TLE2: variants seen among roughly 807,000 people sequenced by gnomAD.
TLE2 encodes transducin-like enhancer protein 2.
In TLE2, 74 loss-of-function variants were observed where a neutral mutation model predicts 97.2. The ratio of observed to expected loss-of-function variants is 0.76; its 90% CI spans 0.63 to 0.92. The LOEUF is 0.92. TLE2 is among the 40% of genes least tolerant of loss of function. The probability of loss-of-function intolerance (pLI) is 0.00; values close to 1 mark genes in which losing one functional copy is unlikely to be tolerated. For missense variants in TLE2, 1,038 were observed against 1,008.7 expected (o/e 1.03, Z -0.39); for synonymous variants, 499 against 432.1 (o/e 1.15, Z -1.92).
At chr19:3,003,869 G>A (rs1229756155) in intron 17 of TLE2, among the ~76,000 whole-genome samples, 1 of 151,978 alleles carries the variant, frequency 6.6e-6, no homozygotes, top group African/African-American at 2.4e-5. Context: ...CACCACACCT[G>A]GCTAATTTTG....
chr19:3,017,961 G>C (rs306030), intron 7 of TLE2, 102 bp from the exon 8 acceptor site: 22 of 1,059,380 alleles, frequency 2.1e-5, no homozygotes, highest in African/African-American at 1.3e-4. Context: ...AAAGCCCCCC[G>C]CCCCCACCAC....
rs144483017 is a variant in TLE2, at chr19:3,002,288, T to C, written c.2047+65A>G. ...ATTTGTTATTTATCTAAGATTCAGA[T>C]TGAATAGGCACCCTGGGTTTTGTTG... On this transcript the variant is annotated intron_variant, in intron 18 of 19. Transcript: ENST00000262953. 5.5e-4 allele frequency: 846 copies of C among 1,533,058 alleles called. 3 individuals carry two copies. In the African/African-American group the frequency reaches 9.6e-3, roughly 17 times the overall value. 95.0% of individuals were successfully genotyped at this position (1,533,058 alleles called of 1,614,324 possible). A position where few individuals can be genotyped will look rare whatever the true frequency, so the allele number is the denominator to read the frequency against.
At chr19:3,005,999 G>A (rs1450614355) in intron 15 of TLE2, 31 bp from the exon 16 acceptor site, 1 of 1,608,980 alleles carries the variant, frequency 6.2e-7, no homozygotes, top group Admixed American at 1.7e-5. Context: ...AGGGGCTGGG[G>A]GTTGGTCCCA....
intron 19 of TLE2, 95 bp downstream of exon 19, chr19:3,000,552 C>G: frequency 8.7e-7 from 1 of 1,153,290 alleles, no homozygotes; most frequent in Non-Finnish European, 1.2e-6. Flanking sequence ...GGCGGGGGGA[C>G]CTGGGGGACA....
chr19:3,041,469 C>T (rs2090102828), intron 1 of TLE2, among the ~76,000 whole-genome samples: 1 of 152,180 alleles, frequency 6.6e-6, no homozygotes, highest in Non-Finnish European at 1.5e-5. Flanking sequence ...GAGCACCCGC[C>T]CCTCCCTGAG....
chr19:3,003,337 C>G (rs1197377389), intron 17 of TLE2, among the ~76,000 whole-genome samples: 1 of 152,124 alleles, frequency 6.6e-6, no homozygotes, highest in Non-Finnish European at 1.5e-5. Flanking sequence ...CAGAGCAAGA[C>G]TATGAAAGAC....
At chr19:3,043,643 C>A (rs12982887) in intron 1 of TLE2, among the ~76,000 whole-genome samples, 6,430 of 120,342 alleles carry the variant, frequency 0.053, 154 homozygotes, top group Middle Eastern at 0.1. Context: ...ACTAAAAATA[C>A]AAAAAAAAAA....
rs887909045 is a variant in TLE2, at chr19:3,011,070, G to A, written c.964C>T (p.His322Tyr). 3 of 1,608,026 alleles carry A rather than the reference G, an allele frequency of 1.9e-6. No homozygotes were observed. In the African/African-American group the frequency reaches 4.0e-5, roughly 21 times the overall value. Residue 322 changes from histidine (H) to tyrosine (Y), a missense_variant, in exon 12 of 20, where the codon CAC becomes TAC. His to Tyr is a moderately conservative substitution (Grantham distance 83). Coordinates refer to ENST00000262953, the MANE Select transcript of TLE2 (RefSeq NM_003260.5). ...ASTPGPSSAS[H>Y]LCQLAAKPAP... is the part of the protein sequence containing the mutation. ...GGCTTGGCAGCAAGCTGGCAGAGGT[G>A]ACTGGCCGAGCTGGGCCCGGGGGTG...
At chr19:3,033,589 C>A (rs893846204), upstream of TLE2, among the ~76,000 whole-genome samples, 1 of 152,216 alleles carries the variant, frequency 6.6e-6, no homozygotes, top group African/African-American at 2.4e-5. Context: ...TGAGCCACCG[C>A]GCCCCTCCAG....
chr19:3,019,125 T>G lies in TLE2; in HGVS notation c.550+158A>C, dbSNP rs192579330. Among the ~76,000 whole-genome samples, 2,170 of 152,108 alleles carry G rather than the reference T, an allele frequency of 0.014. 42 individuals carry two copies. The highest frequency in any genetic ancestry group is 0.05 in the African/African-American group (2,075 of 41,486). On this transcript the variant is annotated intron_variant, in intron 7 of 19. Coordinates refer to ENST00000262953, the MANE Select transcript of TLE2 (RefSeq NM_003260.5). This position sits in a 1 kb window ranked among gnomAD's most constrained non-coding sequence, Gnocchi z 5.1. ...GTTGCCCAGGCTGGTCATGAACTCCTGGGCTCAAGCGATCCTCCCGCCTCG... is the reference window on the plus strand; with the variant it reads ...GTTGCCCAGGCTGGTCATGAACTCCGGGGCTCAAGCGATCCTCCCGCCTCG...
rs188075819 is a variant in TLE2 at position 3,019,103 on chromosome 19, G to A, written c.550+180C>T. Reference sequence around the variant, plus strand: ...TGTAGAGACGGGGTCTCGCTCTGTTGCCCAGGCTGGTCATGAACTCCTGGG... The same window carrying A: ...TGTAGAGACGGGGTCTCGCTCTGTTACCCAGGCTGGTCATGAACTCCTGGG... On this transcript the variant is annotated intron_variant, in intron 7 of 19. Transcript: ENST00000262953. This position sits in a 1 kb window ranked among gnomAD's most constrained non-coding sequence, Gnocchi z 5.1. 6.6e-6 allele frequency among the ~76,000 whole-genome samples: 1 copy of A among 152,092 alleles called. No homozygotes were observed. Among genetic ancestry groups the A allele is most frequent in the Non-Finnish European group, 1.5e-5 (1 of 68,022 alleles).
chr19:3,003,016 T>C (rs1023235824), intron 17 of TLE2, among the ~76,000 whole-genome samples: 3 of 152,092 alleles, frequency 2.0e-5, no homozygotes, highest in Admixed American at 6.6e-5. Flanking sequence ...CCTTTGGATA[T>C]TGGGGGGTGC....
chr19:3,044,269 T>C (rs1231716269), intron 1 of TLE2, among the ~76,000 whole-genome samples: 2 of 152,176 alleles, frequency 1.3e-5, no homozygotes, highest in East Asian at 3.9e-4. Context: ...CCCCCTGGTG[T>C]CCCATGGAGG....
chr19:3,042,078 T>G, intron 1 of TLE2, among the ~76,000 whole-genome samples: 1 of 148,252 alleles, frequency 6.7e-6, no homozygotes, highest in African/African-American at 2.5e-5. Context: ...AGTGAGGGGA[T>G]TGCGGGGAGT....
chr19:3,017,717 G>T, intron 8 of TLE2, 123 bp downstream of exon 8: 1 of 848,444 alleles, frequency 1.2e-6, no homozygotes, highest in Non-Finnish European at 1.8e-6. Flanking sequence ...CTACCAAAGT[G>T]CTGGGATCAA....
chr19:3,011,102 T>A lies in TLE2; in HGVS notation c.932A>T (p.Asp311Val). Residue 311 changes from aspartate (D) to valine (V), a missense_variant, in exon 12 of 20, where the codon GAC (aspartate) becomes GTC (valine). Coordinates refer to ENST00000262953, the MANE Select transcript of TLE2 (RefSeq NM_003260.5). ...SKSCDSSPPQ[D>V]ASTPGPSSAS... is the part of the protein sequence containing the mutation. The stretch of plus-strand genomic sequence containing the variant: ...CGAGCTGGGCCCGGGGGTGGAAGCG[T>A]CCTGGGGCGGGGAGGAGTCACAGGA... 1 of 1,610,792 alleles carries A rather than the reference T, an allele frequency of 6.2e-7. No homozygotes were observed. Among genetic ancestry groups the A allele is most frequent in the Non-Finnish European group, 8.5e-7 (1 of 1,179,092 alleles).
At chr19:3,031,620 G>A (rs889048789), upstream of TLE2, among the ~76,000 whole-genome samples, 13 of 151,674 alleles carry the variant, frequency 8.6e-5, no homozygotes, top group African/African-American at 3.2e-4. Context: ...ATGAGCCACT[G>A]CACCCGGCCA....
At chr19:3,010,026 G>A in intron 12 of TLE2, among the ~76,000 whole-genome samples, 1 of 151,600 alleles carries the variant, frequency 6.6e-6, no homozygotes, top group East Asian at 2.0e-4. Context: ...CTGGGACTAT[G>A]GCCATTCTCC....
chr19:3,045,034 A>G (rs1409303060), intron 1 of TLE2, among the ~76,000 whole-genome samples: 2 of 151,998 alleles, frequency 1.3e-5, no homozygotes, highest in African/African-American at 4.8e-5. Flanking sequence ...CCTGGCCAAC[A>G]TGGCAAGACC....
Sources: allele counts gnomAD v4.1 joint callset (sites outside exome capture counted in the v4.1 genomes callset), GRCh38; gene constraint gnomAD v4.1.1; non-coding constraint Gnocchi (gnomAD v3.1); transcripts MANE v1.5; gene names NCBI Gene and HGNC (gene_info 2026-07-23, HGNC 2026-07-21).